PDSS2: variants seen among roughly 807,000 people sequenced by gnomAD.
PDSS2 encodes decaprenyl diphosphate synthase subunit 2.
A neutral mutation model predicts 44.5 loss-of-function variants in PDSS2; 31 were observed. The ratio of observed to expected loss-of-function variants is 0.70; its 90% CI spans 0.52 to 0.94. The LOEUF is 0.94. Among genes scored for constraint, PDSS2 ranks in the 40% least tolerant of loss-of-function variants. The probability of loss-of-function intolerance (pLI) is 0.00; values close to 1 mark genes in which losing one functional copy is unlikely to be tolerated. For synonymous variants in PDSS2, 157 were observed against 180.3 expected (o/e 0.87, Z 1.03); for missense variants, 452 against 482.2 (o/e 0.94, Z 0.59).
At chr6:107,215,835 G>T in intron 4 of PDSS2, among the ~76,000 whole-genome samples, 1 of 152,054 alleles carries the variant, frequency 6.6e-6, no homozygotes, top group East Asian at 1.9e-4. Flanking sequence ...AAAAATAAAA[G>T]ATTAAAAAAC....
chr6:107,308,630 A>C lies in PDSS2; in HGVS notation c.431+25568T>G, dbSNP rs186718347. On this transcript the variant is annotated intron_variant, in intron 2 of 7. Transcript: ENST00000369037. Reference sequence around the variant, plus strand: ...TGAGGATTTGGGGGGAGGAATGGGAAGACTCCAAAGAAGAGGTGACAGCAA... The same window carrying C: ...TGAGGATTTGGGGGGAGGAATGGGACGACTCCAAAGAAGAGGTGACAGCAA... Among the ~76,000 whole-genome samples, 145 of 152,354 alleles carry C rather than the reference A, an allele frequency of 9.5e-4. 1 individual carries two copies. Among genetic ancestry groups the C allele is most frequent in the African/African-American group, 3.1e-3 (128 of 41,578 alleles).
intron 1 of PDSS2, among the ~76,000 whole-genome samples, chr6:107,389,659 A>T (rs544138333): frequency 6.6e-5 from 10 of 152,192 alleles, no homozygotes; most frequent in Non-Finnish European, 1.5e-4. Flanking sequence ...CTTAATGTAG[A>T]TACACAAATA....
intron 1 of PDSS2, among the ~76,000 whole-genome samples, chr6:107,384,651 A>C (rs554544304): frequency 2.0e-5 from 3 of 151,518 alleles, no homozygotes; most frequent in South Asian, 4.2e-4. Context: ...CAAAACCAAA[A>C]AAAAACACAA....
intron 1 of PDSS2, among the ~76,000 whole-genome samples, chr6:107,432,327 C>A (rs1338671213): frequency 6.6e-6 from 1 of 152,170 alleles, no homozygotes; most frequent in Admixed American, 6.5e-5. Flanking sequence ...TTCAAACATA[C>A]ATTCAAAAGC....
intron 1 of PDSS2, among the ~76,000 whole-genome samples, chr6:107,429,902 ATATATAT>A (rs1488152706): frequency 0.35 from 15,408 of 44,436 alleles, 4,100 homozygotes; most frequent in Non-Finnish European, 0.46. Flanking sequence ...AAAAAAAAAA[ATATATAT>A]ATATATATAT....
intron 4 of PDSS2, among the ~76,000 whole-genome samples, chr6:107,225,331 C>G (rs1773784681): frequency 6.6e-6 from 1 of 150,836 alleles, no homozygotes; most frequent in Admixed American, 6.6e-5. Flanking sequence ...TGCCACCATG[C>G]CCGGCTAATT....
chr6:107,434,917 TAC>T (rs1340105993), intron 1 of PDSS2, among the ~76,000 whole-genome samples: 1 of 152,080 alleles, frequency 6.6e-6, no homozygotes, highest in African/African-American at 2.4e-5. Flanking sequence ...TCCATAAATA[TAC>T]ACACTTACTA....
Position 107,225,157 on chromosome 6 carries a change from ATATATTTTTTTTTTTTTT to A in PDSS2, c.703-12893_703-12876del, listed in dbSNP as rs1205689226. 2.2e-3 allele frequency among the ~76,000 whole-genome samples: 67 copies of A among 30,564 alleles called. 1 individual carries two copies. The South Asian group carries it at 0.056, about 26-fold the overall frequency. The allele number at this position is 30,564 out of a possible 152,430, so 20.1% of individuals were successfully genotyped here. ...TATTTTTATATATATATATATATAT[ATATATTTTTTTTTTTTTT>A]TTTTTTTTTTTTTTGAGACAGAGTG... On this transcript the variant is annotated intron_variant, in intron 4 of 7. Transcript: ENST00000369037.
intron 1 of PDSS2, among the ~76,000 whole-genome samples, chr6:107,455,715 C>G (rs900680538): frequency 1.6e-5 from 2 of 126,050 alleles, no homozygotes; most frequent in Non-Finnish European, 3.1e-5. Context: ...GATCAGGCCA[C>G]TGGGCACTCC....
intron 1 of PDSS2, among the ~76,000 whole-genome samples, chr6:107,452,039 A>C (rs1213156852): frequency 6.6e-6 from 1 of 151,174 alleles, no homozygotes; most frequent in Non-Finnish European, 1.5e-5. Context: ...TTTGTTTTTT[A>C]AGTGACAAAG....
At chr6:107,402,451 C>A (rs1385389690) in intron 1 of PDSS2, among the ~76,000 whole-genome samples, 1 of 8,118 alleles carries the variant, frequency 1.2e-4, no homozygotes, top group African/African-American at 6.5e-4. Context: ...CACACACACA[C>A]ACATATATAT....
intron 2 of PDSS2, among the ~76,000 whole-genome samples, chr6:107,286,272 C>A (rs917577422): frequency 1.3e-5 from 2 of 152,050 alleles, no homozygotes; most frequent in African/African-American, 4.8e-5. Context: ...CTTTGGGAGG[C>A]TGAGGTGGGT....
chr6:107,245,618 A>C lies in PDSS2; in HGVS notation c.632T>G (p.Val211Gly). The change falls in exon 4 of 8, where the codon GTT becomes GGT. Residue 211 changes from valine to glycine, a missense_variant and splice_region_variant. Transcript: ENST00000369037. Reference sequence around the variant, plus strand: ...AAGAGCACTTGCTAAAAGTTCCACAACCTAAAAAGCAAGAAGAAAAATAAA... The same window carrying C: ...AAGAGCACTTGCTAAAAGTTCCACACCCTAAAAAGCAAGAAGAAAAATAAA... ...NGLALLQNTK[V>G]VELLASALMD... The C allele has an allele frequency of 6.4e-7, 1 of 1,571,594 alleles. No individual in the cohort carries two copies. Among genetic ancestry groups the C allele is most frequent in the Non-Finnish European group, 8.7e-7 (1 of 1,147,818 alleles).
chr6:107,445,084 T>C (rs1781627745), intron 1 of PDSS2, among the ~76,000 whole-genome samples: 1 of 152,130 alleles, frequency 6.6e-6, no homozygotes, highest in African/African-American at 2.4e-5. Context: ...TGGAAAAGTA[T>C]TGGTCACTGC....
At chr6:107,269,876 A>G (rs1407760470) in intron 3 of PDSS2, among the ~76,000 whole-genome samples, 3 of 152,114 alleles carry the variant, frequency 2.0e-5, no homozygotes, top group Admixed American at 6.6e-5. Flanking sequence ...TATGTTTGCC[A>G]GGCTGGTCTC....
At chr6:107,336,818 GGTGTGTGGTGTGTGTGTGTGT>G (rs1562470841) in intron 1 of PDSS2, among the ~76,000 whole-genome samples, 2 of 141,890 alleles carry the variant, frequency 1.4e-5, no homozygotes, top group Admixed American at 1.5e-4. Context: ...AAGAAAAAGA[GGTGTGTGGTGTGTGTGTGTGT>G]GTGTGTGTGT....
At chr6:107,317,678 A>T (rs989692093) in intron 2 of PDSS2, among the ~76,000 whole-genome samples, 1 of 152,200 alleles carries the variant, frequency 6.6e-6, no homozygotes, top group African/African-American at 2.4e-5. Flanking sequence ...GATAAAAATA[A>T]AAGCTCCCAA....
At chr6:107,310,724 C>G (rs778932119) in intron 2 of PDSS2, among the ~76,000 whole-genome samples, 1 of 152,132 alleles carries the variant, frequency 6.6e-6, no homozygotes, top group African/African-American at 2.4e-5. Context: ...AGTCTCATAT[C>G]TGCAGGACTG....
chr6:107,379,429 T>A (rs769703482), intron 1 of PDSS2, among the ~76,000 whole-genome samples: 1 of 152,214 alleles, frequency 6.6e-6, no homozygotes, highest in Non-Finnish European at 1.5e-5. Context: ...TATTTGGCTA[T>A]GTTGTTTAGG....
Sources: gnomAD v4.1 joint callset for allele counts (sites outside exome capture counted in the v4.1 genomes callset) on GRCh38, gnomAD v4.1.1 for gene constraint, MANE v1.5 for transcripts, NCBI Gene and HGNC (gene_info 2026-07-23, HGNC 2026-07-21) for gene names.